The following PAPPA variants were observed in gnomAD, a reference collection of about 807,000 sequenced individuals.
PAPPA encodes pappalysin-1.
PAPPA carries 60 observed loss-of-function variants against 164.0 expected under a neutral mutation model. The observed-to-expected ratio is 0.37, with a 90% confidence interval of 0.30 to 0.45. PAPPA has a LOEUF of 0.45. PAPPA is among the 20% of genes least tolerant of loss of function. The pLI is 1.00. For synonymous variants in PAPPA, 875 were observed against 814.1 expected (o/e 1.07, Z -1.27); for missense variants, 1,782 against 2,087.3 (o/e 0.85, Z 2.85).
chr9:116,211,714 G>C lies in PAPPA; in HGVS notation c.1700G>C (p.Ser567Thr), dbSNP rs1190384807. ...THTMIHEIGHSLGLYHVFRGI... is the reference protein window; with the variant it reads ...THTMIHEIGHTLGLYHVFRGI... ...ACCATGATCCATGAGATTGGTCACAGCCTGGGCCTCTATCACGTCTTCCGA... is the reference window on the plus strand; with the variant it reads ...ACCATGATCCATGAGATTGGTCACACCCTGGGCCTCTATCACGTCTTCCGA... Residue 567 changes from serine to threonine, a missense_variant, in exon 4 of 22, where the codon AGC (serine) becomes ACC (threonine). Physicochemically the swap from Ser to Thr is moderately conservative, Grantham distance 58 (BLOSUM62 1). Transcript: ENST00000328252. 1.2e-6 allele frequency: 2 copies of C among 1,614,118 alleles called. No individual in the cohort carries two copies. The highest frequency in any genetic ancestry group is 1.1e-5 in the South Asian group (1 of 91,084).
chr9:116,388,113 C>T (rs924196492), intron 21 of PAPPA, among the ~76,000 whole-genome samples: 15 of 152,286 alleles, frequency 9.8e-5, no homozygotes, highest in Middle Eastern at 3.4e-3. Context: ...TTCCCCACAT[C>T]CGCCTTATGG....
intron 1 of PAPPA, among the ~76,000 whole-genome samples, chr9:116,162,231 T>A (rs1038052646): frequency 2.0e-5 from 3 of 152,200 alleles, no homozygotes; most frequent in African/African-American, 7.2e-5. Context: ...CTGCCCTACA[T>A]ATTGTGAAAT....
chr9:116,163,877 T>C (rs766998592), intron 1 of PAPPA, among the ~76,000 whole-genome samples: 8 of 152,160 alleles, frequency 5.3e-5, no homozygotes, highest in Non-Finnish European at 1.2e-4. Flanking sequence ...CACAAAGCAA[T>C]GTAACAGTGG....
rs763858422 is a variant in PAPPA at position 116,227,541 on chromosome 9, G to C, written c.2222G>C (p.Arg741Pro). ...PCSPSGHWSP[R>P]EAEGHPDVEQ... ...AGCCCATCAGGACACTGGAGCCCTC[G>C]TGAAGCAGAAGGTAAGCCAGCCTTC... is the stretch of plus-strand genomic sequence containing the variant. Residue 741 changes from arginine (R) to proline (P), a missense_variant, in exon 6 of 22, where the codon CGT becomes CCT. Arg to Pro is a moderately radical substitution (Grantham distance 103, BLOSUM62 -2). Transcript: ENST00000328252. 1.4e-5 allele frequency: 22 copies of C among 1,613,998 alleles called. No individual in the cohort carries two copies. Among genetic ancestry groups the C allele is most frequent in the Non-Finnish European group, 1.8e-5 (21 of 1,179,960 alleles).
At chr9:116,180,823 G>A (rs1261284175) in intron 1 of PAPPA, among the ~76,000 whole-genome samples, 1 of 152,110 alleles carries the variant, frequency 6.6e-6, no homozygotes, top group East Asian at 1.9e-4. Context: ...CTGTGGGGGA[G>A]CTTTCAAATT....
intron 7 of PAPPA, among the ~76,000 whole-genome samples, chr9:116,251,100 C>A (rs1205675873): frequency 6.6e-6 from 1 of 152,290 alleles, no homozygotes; most frequent in East Asian, 1.9e-4. Context: ...GGTTCAAGTT[C>A]TCTCTCTCAT....
At position 116,265,924 on chromosome 9, in the gene PAPPA, C is replaced by T. The variant is rs765304537; in HGVS notation, c.2800C>T (p.Pro934Ser). 2 of 1,611,876 alleles carry T rather than the reference C, an allele frequency of 1.2e-6. No individual in the cohort carries two copies. Among genetic ancestry groups the T allele is most frequent in the Non-Finnish European group, 8.5e-7 (1 of 1,178,046 alleles). Residue 934 changes from proline (P) to serine (S), a missense_variant, in exon 8 of 22, where the codon CCA (proline) becomes TCA (serine). Pro to Ser is a moderately conservative substitution (Grantham distance 74, BLOSUM62 -1). Transcript: ENST00000328252. ...TATTTCAGGAACTGAAGAGAGTGAGCCATCACCTGCTGTCACATACATCCA... is the reference window on the plus strand; with the variant it reads ...TATTTCAGGAACTGAAGAGAGTGAGTCATCACCTGCTGTCACATACATCCA... Reference protein sequence around the residue: ...ITISGTEESEPSPAVTYIHGS... With the variant: ...ITISGTEESESSPAVTYIHGS...
chr9:116,278,827 T>C (rs1313656741), intron 9 of PAPPA, among the ~76,000 whole-genome samples: 1 of 152,208 alleles, frequency 6.6e-6, no homozygotes, highest in African/African-American at 2.4e-5. Flanking sequence ...TGGACGTAAT[T>C]ATAACACCTA....
At position 116,187,750 on chromosome 9, in the gene PAPPA, A is replaced by G. The variant is rs772762307; in HGVS notation, c.1012A>G (p.Ile338Val). 1.5e-5 allele frequency: 25 copies of G among 1,614,132 alleles called. No individual in the cohort carries two copies. Among genetic ancestry groups the G allele is most frequent in the Non-Finnish European group, 2.0e-5 (24 of 1,180,048 alleles). ...GQTLCDNTEV[I>V]ASYNQLSSFR... ...GACATTGTGTGACAACACAGAGGTC[A>G]TTGCCAGCTACAATCAGCTCTCAAG... Residue 338 changes from isoleucine to valine, a missense_variant, in exon 2 of 22, where the codon ATT becomes GTT. Ile to Val is a conservative substitution (Grantham distance 29). Coordinates refer to ENST00000328252, the MANE Select transcript of PAPPA (RefSeq NM_002581.5). This position sits in a 1 kb window ranked among gnomAD's most constrained non-coding sequence, Gnocchi z 4.2.
At chr9:116,269,967 T>A (rs781159688) in intron 8 of PAPPA, among the ~76,000 whole-genome samples, 33 of 152,220 alleles carry the variant, frequency 2.2e-4, no homozygotes, top group Non-Finnish European at 4.1e-4. Flanking sequence ...CTAGCCATCT[T>A]AAGGATTGAT....
intron 7 of PAPPA, among the ~76,000 whole-genome samples, chr9:116,252,104 G>A (rs1391779616): frequency 6.6e-6 from 1 of 152,210 alleles, no homozygotes; most frequent in Non-Finnish European, 1.5e-5. Context: ...ATTGGCTACT[G>A]TGTTTTAAAT....
At position 116,154,559 on chromosome 9, in the gene PAPPA, G is replaced by C. The variant is rs961398201; in HGVS notation, c.387G>C (p.Gly129=). The change falls in exon 1 of 22, where the codon GGG becomes GGC. Residue 129 remains glycine, a synonymous_variant. Coordinates refer to ENST00000328252, the MANE Select transcript of PAPPA (RefSeq NM_002581.5). The surrounding 1 kb of genome is among the most constrained non-coding windows in gnomAD (Gnocchi z 5.2). ...TGCAAGTGTGGCTGCGAGCGGAGGGGGGCCAGAGGTCTCCGGCAGTGATCA... is the reference window on the plus strand; with the variant it reads ...TGCAAGTGTGGCTGCGAGCGGAGGGCGGCCAGAGGTCTCCGGCAGTGATCA... The part of the protein sequence containing the change: ...FTLQVWLRAE[G]GQRSPAVITG... 3.5e-5 allele frequency: 49 copies of C among 1,405,022 alleles called. No individual in the cohort carries two copies. The highest frequency in any genetic ancestry group is 4.5e-5 in the Non-Finnish European group (49 of 1,077,456). The allele number at this position is 1,405,022 out of a possible 1,614,324, so 87.0% of individuals were successfully genotyped here. A position where few individuals can be genotyped will look rare whatever the true frequency, so the allele number is the denominator to read the frequency against.
intron 21 of PAPPA, among the ~76,000 whole-genome samples, chr9:116,388,581 G>T (rs1318458870): frequency 6.6e-6 from 1 of 152,168 alleles, no homozygotes; most frequent in Non-Finnish European, 1.5e-5. Context: ...TTAACTCTGT[G>T]ACCTTGGGTA....
rs568062382 is a variant in PAPPA at position 116,178,264 on chromosome 9, G to A, written c.416-8890G>A. Among the ~76,000 whole-genome samples the A allele has an allele frequency of 2.0e-5, 3 of 152,132 alleles. No homozygotes were observed. In the East Asian group the frequency reaches 5.8e-4, roughly 30 times the overall value. On this transcript the variant is annotated intron_variant, in intron 1 of 21. Coordinates refer to ENST00000328252, the MANE Select transcript of PAPPA (RefSeq NM_002581.5). ...TGGGATTACAGGCACACATCACCATGCCCAGCTAATTTTTTGTATTTTTAG... is the reference window on the plus strand; with the variant it reads ...TGGGATTACAGGCACACATCACCATACCCAGCTAATTTTTTGTATTTTTAG...
chr9:116,246,643 T>A (rs953433870), intron 7 of PAPPA, among the ~76,000 whole-genome samples: 1 of 152,146 alleles, frequency 6.6e-6, no homozygotes, highest in Admixed American at 6.5e-5. Context: ...TTGGTTAGAA[T>A]TGAGATGTTT....
intron 1 of PAPPA, among the ~76,000 whole-genome samples, chr9:116,177,193 A>G (rs1843847416): frequency 6.6e-6 from 1 of 152,140 alleles, no homozygotes; most frequent in African/African-American, 2.4e-5. Context: ...TGCACTTTGA[A>G]AAGTGTTCTA....
At chr9:116,219,126 G>A (rs777189028) in intron 4 of PAPPA, among the ~76,000 whole-genome samples, 14 of 152,066 alleles carry the variant, frequency 9.2e-5, no homozygotes, top group African/African-American at 1.4e-4. Context: ...AATCTTAGCC[G>A]TGCAATCTGA....
intron 2 of PAPPA, among the ~76,000 whole-genome samples, chr9:116,202,800 A>G (rs1392842878): frequency 6.6e-6 from 1 of 152,098 alleles, no homozygotes; most frequent in African/African-American, 2.4e-5. Context: ...CTTATTTTGC[A>G]TATTTGAGGC....
intron 1 of PAPPA, among the ~76,000 whole-genome samples, chr9:116,178,528 CTTA>C (rs969639055): frequency 6.6e-6 from 1 of 152,156 alleles, no homozygotes; most frequent in Non-Finnish European, 1.5e-5. Flanking sequence ...TTATTAAGTA[CTTA>C]TTATTATCAG....
Sources: allele counts gnomAD v4.1 joint callset (sites outside exome capture counted in the v4.1 genomes callset), GRCh38; gene constraint gnomAD v4.1.1; non-coding constraint Gnocchi (gnomAD v3.1); transcripts MANE v1.5; gene names NCBI Gene and HGNC (gene_info 2026-07-23, HGNC 2026-07-21).